Variants in NRXN1 observed in about 807,000 individuals in gnomAD.
NRXN1 encodes the protein neurexin 1, also known as neurexin-1.
NRXN1 carries 39 observed loss-of-function variants against 150.9 expected under a neutral mutation model. The observed-to-expected ratio is 0.26, with a 90% CI of 0.20 to 0.34. The LOEUF (loss-of-function observed/expected upper bound fraction) is 0.34. Among genes scored for constraint, NRXN1 ranks in the 10% least tolerant of loss-of-function variants. The pLI is 1.00. For synonymous variants in NRXN1, 924 were observed against 757.0 expected (o/e 1.22, Z -3.62); for missense variants, 1,815 against 1,949.9 (o/e 0.93, Z 1.30).
intron 5 of NRXN1, among the ~76,000 whole-genome samples, chr2:50,634,597 T>C (rs1682949544): frequency 1.3e-5 from 2 of 152,230 alleles, no homozygotes; most frequent in Admixed American, 1.3e-4. Context: ...TTTCCCCATC[T>C]CTTAATATCT....
intron 15 of NRXN1, among the ~76,000 whole-genome samples, chr2:50,479,711 A>G (rs2090296944): frequency 6.6e-6 from 1 of 151,834 alleles, no homozygotes; most frequent in Non-Finnish European, 1.5e-5. Flanking sequence ...TTACCTGAGC[A>G]ATAATGAATT....
At chr2:50,664,625 G>A (rs1042817946) in intron 5 of NRXN1, among the ~76,000 whole-genome samples, 11 of 151,786 alleles carry the variant, frequency 7.2e-5, no homozygotes, top group Admixed American at 5.3e-4. Flanking sequence ...GTTACACAAT[G>A]TCCTTCACTG....
chr2:50,454,242 C>T (rs992943436), intron 17 of NRXN1, among the ~76,000 whole-genome samples: 2 of 152,116 alleles, frequency 1.3e-5, no homozygotes, highest in African/African-American at 4.8e-5. Flanking sequence ...ACGAGAATCG[C>T]TTGAACCTGG....
chr2:50,416,659 T>C (rs1423520433), intron 17 of NRXN1, among the ~76,000 whole-genome samples: 1 of 152,052 alleles, frequency 6.6e-6, no homozygotes, highest in Non-Finnish European at 1.5e-5. Flanking sequence ...AAATTTATAA[T>C]CAGGCAGAAG....
At chr2:51,030,158 G>C (rs767948709) in intron 1 of NRXN1, among the ~76,000 whole-genome samples, 13 of 151,572 alleles carry the variant, frequency 8.6e-5, no homozygotes, top group Non-Finnish European at 1.5e-4. Flanking sequence ...CTTACCTTTT[G>C]AAAAAAATTA....
intron 5 of NRXN1, among the ~76,000 whole-genome samples, chr2:50,656,679 C>G (rs980118015): frequency 6.6e-6 from 1 of 151,774 alleles, no homozygotes; most frequent in Non-Finnish European, 1.5e-5. Context: ...CTAGCTACTT[C>G]ACAGCCCTCA....
intron 5 of NRXN1, among the ~76,000 whole-genome samples, chr2:50,826,789 C>G (rs1559317962): frequency 6.6e-6 from 1 of 152,150 alleles, no homozygotes; most frequent in Non-Finnish European, 1.5e-5. Context: ...TTAGACATCC[C>G]AGTGGAAAGG....
At chr2:50,129,282 G>A (rs967131616) in intron 18 of NRXN1, among the ~76,000 whole-genome samples, 33 of 152,084 alleles carry the variant, frequency 2.2e-4, no homozygotes, top group Admixed American at 7.9e-4. Context: ...TATAACTTCT[G>A]ATTAAAATAA....
chr2:50,598,120 A>G (rs1318045354), intron 8 of NRXN1, among the ~76,000 whole-genome samples: 1 of 152,048 alleles, frequency 6.6e-6, no homozygotes, highest in African/African-American at 2.4e-5. Context: ...CCTGGGCAAC[A>G]GGGCAAAACT....
chr2:50,388,231 G>A (rs1342750634), intron 17 of NRXN1, among the ~76,000 whole-genome samples: 4 of 152,132 alleles, frequency 2.6e-5, no homozygotes, highest in Non-Finnish European at 5.9e-5. Context: ...GACTGATTAT[G>A]AATATACCAT....
chr2:50,424,791 CCTT>C (rs1182204286), intron 17 of NRXN1, among the ~76,000 whole-genome samples: 7 of 152,148 alleles, frequency 4.6e-5, no homozygotes, highest in South Asian at 2.1e-4. Flanking sequence ...AAAGGCTTCT[CCTT>C]CTTTGCTCTG....
intron 5 of NRXN1, chr2:50,637,653 C>G (rs1049851614): frequency 6.6e-6 from 1 of 152,318 alleles, no homozygotes; most frequent in Admixed American, 6.5e-5. Flanking sequence ...CTCCAGTGAA[C>G]TTGAGGTAAT....
chr2:50,861,451 C>T (rs1187534409), intron 5 of NRXN1, among the ~76,000 whole-genome samples: 2 of 152,062 alleles, frequency 1.3e-5, no homozygotes, highest in East Asian at 3.9e-4. Flanking sequence ...AAGGATTTTA[C>T]TAAAGCCACA....
At chr2:50,402,819 A>G (rs1181491571) in intron 17 of NRXN1, among the ~76,000 whole-genome samples, 4 of 152,174 alleles carry the variant, frequency 2.6e-5, no homozygotes, top group African/African-American at 9.6e-5. Context: ...ATCTTTCTTT[A>G]AGCCTCAACT....
At chr2:50,894,522 T>C (rs985787817) in intron 5 of NRXN1, among the ~76,000 whole-genome samples, 1 of 151,962 alleles carries the variant, frequency 6.6e-6, no homozygotes, top group Non-Finnish European at 1.5e-5. Context: ...TTAATTAATA[T>C]ATTCTATACA....
chr2:50,635,752 C>CT (rs1484023904), intron 5 of NRXN1, among the ~76,000 whole-genome samples: 2 of 152,114 alleles, frequency 1.3e-5, no homozygotes, highest in Non-Finnish European at 2.9e-5. Flanking sequence ...TCCGTCACTG[C>CT]TTAGGTAGAT....
intron 12 of NRXN1, among the ~76,000 whole-genome samples, chr2:50,524,783 G>A (rs953861605): frequency 3.3e-5 from 5 of 151,906 alleles, no homozygotes; most frequent in South Asian, 2.1e-4. Context: ...TAGGTCTAAC[G>A]ATTTTTAAGG....
chr2:50,515,290 A>T (rs1237830445), intron 12 of NRXN1, among the ~76,000 whole-genome samples: 3 of 152,194 alleles, frequency 2.0e-5, no homozygotes, highest in Admixed American at 1.3e-4. Flanking sequence ...AGTTGCTGGT[A>T]AACAACCTCT....
chr2:50,333,347 A>G (rs1244092554), intron 17 of NRXN1, among the ~76,000 whole-genome samples: 1 of 152,140 alleles, frequency 6.6e-6, no homozygotes, highest in Non-Finnish European at 1.5e-5. Context: ...TCCATATTTA[A>G]TTTACAGGCT....
Sources: gnomAD v4.1 joint callset for allele counts (sites outside exome capture counted in the v4.1 genomes callset) on GRCh38, gnomAD v4.1.1 for gene constraint, MANE v1.5 for transcripts, NCBI Gene and HGNC (gene_info 2026-07-23, HGNC 2026-07-21) for gene names.